Variants in DNAJC1 observed in about 807,000 individuals in gnomAD.
The protein encoded by DNAJC1 is dnaJ homolog subfamily C member 1.
A neutral mutation model predicts 76.6 loss-of-function variants in DNAJC1; 58 were observed. The ratio of observed to expected loss-of-function variants is 0.76; its 90% CI spans 0.61 to 0.94. The LOEUF is 0.94. DNAJC1 is among the 40% of genes least tolerant of loss of function. The pLI is 0.00. For synonymous variants in DNAJC1, 258 were observed against 267.9 expected, an observed-to-expected ratio of 0.96 and a Z score of 0.36; for missense variants, 689 against 677.3, an observed-to-expected ratio of 1.02 and a Z score of -0.19.
intron 8 of DNAJC1, among the ~76,000 whole-genome samples, chr10:21,864,415 A>C (rs1265859090): frequency 6.6e-6 from 1 of 152,064 alleles, no homozygotes; most frequent in Non-Finnish European, 1.5e-5. Context: ...AGGTCAGGAG[A>C]TTGAGACCAT....
chr10:21,933,866 C>T (rs1837267866), intron 1 of DNAJC1, among the ~76,000 whole-genome samples: 1 of 152,050 alleles, frequency 6.6e-6, no homozygotes, highest in African/African-American at 2.4e-5. Context: ...AACAAACCTG[C>T]TGTGCTGCCA....
rs544122270 is a variant in DNAJC1, at chr10:21,815,871, G to A, written c.979-9772C>T. ...AGCGATTCTCCTGCCTCAGCCTCCC[G>A]AGTAGCTGGGATCACAGGCCCGCCA... On this transcript the variant is annotated intron_variant, in intron 8 of 11. Coordinates refer to ENST00000376980, the MANE Select transcript of DNAJC1 (RefSeq NM_022365.4). 2.6e-3 allele frequency among the ~76,000 whole-genome samples: 394 copies of A among 151,338 alleles called. 2 individuals carry two copies. Among genetic ancestry groups the A allele is most frequent in the African/African-American group, 9.0e-3 (373 of 41,290 alleles).
chr10:21,849,252 C>A (rs570289249), intron 8 of DNAJC1, among the ~76,000 whole-genome samples: 1 of 135,802 alleles, frequency 7.4e-6, no homozygotes, highest in East Asian at 2.2e-4. Flanking sequence ...GAGATCGTGC[C>A]ACTGCACTCC....
chr10:21,768,497 C>T (rs1190267257), intron 9 of DNAJC1, among the ~76,000 whole-genome samples: 6 of 152,270 alleles, frequency 3.9e-5, no homozygotes, highest in South Asian at 2.1e-4. Context: ...TTGCCTCTTA[C>T]GGATGTTTTC....
intron 10 of DNAJC1, among the ~76,000 whole-genome samples, chr10:21,760,742 G>A (rs1256182634): frequency 1.3e-5 from 2 of 152,168 alleles, no homozygotes; most frequent in Non-Finnish European, 2.9e-5. Flanking sequence ...AGACAGCACA[G>A]GTCTAGCCTT....
chr10:21,918,985 C>A, intron 5 of DNAJC1, 113 bp from the exon 6 acceptor site: 1 of 682,930 alleles, frequency 1.5e-6, no homozygotes, highest in Non-Finnish European at 2.5e-6. Context: ...ATGGCTACTT[C>A]AACAAAAAAA....
chr10:21,938,166 T>C (rs2131792121), intron 1 of DNAJC1, among the ~76,000 whole-genome samples: 1 of 152,240 alleles, frequency 6.6e-6, no homozygotes, highest in South Asian at 2.1e-4. Context: ...ATAACTATTT[T>C]TTCTAATTTA....
intron 1 of DNAJC1, among the ~76,000 whole-genome samples, chr10:21,986,425 A>G (rs1315373909): frequency 6.6e-6 from 1 of 152,016 alleles, no homozygotes; most frequent in East Asian, 1.9e-4. Flanking sequence ...GTACCTTTTC[A>G]TGTGCTTATT....
At chr10:21,772,859 C>T (rs1382759701) in intron 9 of DNAJC1, among the ~76,000 whole-genome samples, 3 of 152,140 alleles carry the variant, frequency 2.0e-5, no homozygotes, top group Admixed American at 2.0e-4. Flanking sequence ...AGCGTGGCAG[C>T]ATCTGCTTGG....
chr10:21,807,641 A>G (rs1834900273), intron 8 of DNAJC1, among the ~76,000 whole-genome samples: 1 of 152,238 alleles, frequency 6.6e-6, no homozygotes, highest in Non-Finnish European at 1.5e-5. Context: ...CTGCCACTTA[A>G]GAGTCAGTAA....
At chr10:21,790,378 G>A (rs1027628444) in intron 9 of DNAJC1, among the ~76,000 whole-genome samples, 1 of 151,802 alleles carries the variant, frequency 6.6e-6, no homozygotes. Context: ...ATTTTCAAAG[G>A]CAAAGACGAA....
At chr10:21,912,381 T>A (rs1435899931) in intron 6 of DNAJC1, among the ~76,000 whole-genome samples, 1 of 152,174 alleles carries the variant, frequency 6.6e-6, no homozygotes, top group Non-Finnish European at 1.5e-5. Flanking sequence ...CTTTTCTACA[T>A]CTAGCAATAA....
At chr10:21,949,958 A>G (rs1005721916) in intron 1 of DNAJC1, among the ~76,000 whole-genome samples, 1 of 152,058 alleles carries the variant, frequency 6.6e-6, no homozygotes, top group Non-Finnish European at 1.5e-5. Flanking sequence ...TGTACTAAAA[A>G]TGTTCTTAGT....
chr10:21,871,265 G>A (rs4748772), intron 8 of DNAJC1, among the ~76,000 whole-genome samples: 112 of 150,988 alleles, frequency 7.4e-4, no homozygotes, highest in Non-Finnish European at 1.3e-3. Context: ...TCAAGGCTGC[G>A]CACATACTCA....
At chr10:21,941,896 T>C (rs1837418926) in intron 1 of DNAJC1, among the ~76,000 whole-genome samples, 2 of 152,148 alleles carry the variant, frequency 1.3e-5, no homozygotes, top group Admixed American at 1.3e-4. Flanking sequence ...TAGGTTTTAT[T>C]ATCATCTTTA....
chr10:21,789,463 A>C (rs1834654208), intron 9 of DNAJC1, among the ~76,000 whole-genome samples: 1 of 152,178 alleles, frequency 6.6e-6, no homozygotes, highest in African/African-American at 2.4e-5. Flanking sequence ...AGAAATATGA[A>C]AATCAAGGAA....
At chr10:21,782,895 G>A (rs1834551730) in intron 9 of DNAJC1, among the ~76,000 whole-genome samples, 3 of 152,128 alleles carry the variant, frequency 2.0e-5, no homozygotes, top group South Asian at 2.1e-4. Flanking sequence ...TTGATGGAAC[G>A]TATGTCAAAA....
intron 9 of DNAJC1, among the ~76,000 whole-genome samples, chr10:21,789,778 G>A (rs1834657790): frequency 6.6e-6 from 1 of 152,088 alleles, no homozygotes; most frequent in Admixed American, 6.6e-5. Context: ...GGGAGACCAA[G>A]GTGGGTGGAT....
intron 8 of DNAJC1, among the ~76,000 whole-genome samples, chr10:21,821,210 G>A (rs1163692102): frequency 6.6e-6 from 1 of 152,112 alleles, no homozygotes; most frequent in Non-Finnish European, 1.5e-5. Context: ...GGTGAAAGGA[G>A]GGCAGGAGGT....
Sources: allele counts gnomAD v4.1 joint callset (sites outside exome capture counted in the v4.1 genomes callset), GRCh38; gene constraint gnomAD v4.1.1; transcripts MANE v1.5; gene names NCBI Gene and HGNC (gene_info 2026-07-23, HGNC 2026-07-21).